NAV3: variants seen among roughly 807,000 people sequenced by gnomAD.
The protein encoded by NAV3 is pore membrane and/or filament interacting like protein 1.
NAV3 carries 87 observed loss-of-function variants against 244.7 expected under a neutral mutation model. The ratio of observed to expected loss-of-function variants is 0.36; its 90% CI spans 0.30 to 0.42. The LOEUF (loss-of-function observed/expected upper bound fraction) is 0.42. Ranked by LOEUF, NAV3 falls within the 20% of genes least tolerant of loss-of-function variation. The pLI is 1.00. For synonymous variants in NAV3, 1,126 were observed against 1,042.2 expected (o/e 1.08, Z -1.55); for missense variants, 2,663 against 2,893.3 (o/e 0.92, Z 1.83).
chr12:78,076,498 T>C (rs1201267252), intron 12 of NAV3, among the ~76,000 whole-genome samples: 1 of 152,210 alleles, frequency 6.6e-6, no homozygotes, highest in Non-Finnish European at 1.5e-5. Context: ...TATCACAAAA[T>C]ATACATGTGA....
chr12:77,761,678 G>C (rs558008205), intron 2 of NAV3, among the ~76,000 whole-genome samples: 1 of 152,254 alleles, frequency 6.6e-6, no homozygotes, highest in South Asian at 2.1e-4. Flanking sequence ...ATGAAAAAAA[G>C]CTCATCATCA....
intron 2 of NAV3, among the ~76,000 whole-genome samples, chr12:77,601,726 A>G (rs1458443834): frequency 6.6e-6 from 1 of 151,938 alleles, no homozygotes; most frequent in Admixed American, 6.6e-5. Flanking sequence ...AGAAGATTAT[A>G]CCTTAGGCTC....
At chr12:77,589,029 G>A (rs564776893) in intron 2 of NAV3, among the ~76,000 whole-genome samples, 18 of 152,204 alleles carry the variant, frequency 1.2e-4, no homozygotes, top group African/African-American at 4.3e-4. Context: ...TGTTATAGAA[G>A]CTTCAATCTC....
chr12:78,203,384 GT>G (rs1959939963), intron 38 of NAV3, among the ~76,000 whole-genome samples: 1 of 152,022 alleles, frequency 6.6e-6, no homozygotes, highest in Non-Finnish European at 1.5e-5. Context: ...CATGCTATAT[GT>G]TACATCTATA....
intron 6 of NAV3, among the ~76,000 whole-genome samples, chr12:77,996,529 A>C (rs1056995292): frequency 2.0e-5 from 3 of 152,204 alleles, no homozygotes; most frequent in African/African-American, 7.2e-5. Context: ...CGTTCTAAGA[A>C]ATCAACAGTT....
At chr12:78,208,156 G>A (rs1048762682) in intron 39 of NAV3, among the ~76,000 whole-genome samples, 1 of 152,110 alleles carries the variant, frequency 6.6e-6, no homozygotes, top group Non-Finnish European at 1.5e-5. Context: ...ATGAACTTAC[G>A]GTGGAAAGTG....
intron 2 of NAV3, among the ~76,000 whole-genome samples, chr12:77,750,324 G>A (rs1279668871): frequency 1.3e-5 from 2 of 152,132 alleles, no homozygotes; most frequent in East Asian, 3.9e-4. Context: ...CTGCACTCCA[G>A]CCTGGGTGAC....
At chr12:78,042,116 G>T (rs1229903813) in intron 9 of NAV3, among the ~76,000 whole-genome samples, 1 of 151,932 alleles carries the variant, frequency 6.6e-6, no homozygotes, top group Non-Finnish European at 1.5e-5. Context: ...ATCCTCTTCA[G>T]TCCAGATTGA....
At chr12:77,817,161 A>G (rs968471184) in intron 2 of NAV3, among the ~76,000 whole-genome samples, 1 of 152,144 alleles carries the variant, frequency 6.6e-6, no homozygotes, top group African/African-American at 2.4e-5. Flanking sequence ...TTATGGAAGG[A>G]TCCTTGCTAG....
intron 18 of NAV3, among the ~76,000 whole-genome samples, chr12:78,129,902 C>T (rs1956087836): frequency 6.6e-6 from 1 of 152,142 alleles, no homozygotes; most frequent in Non-Finnish European, 1.5e-5. Context: ...ACTCCTTTGA[C>T]ATTATATAAA....
intron 2 of NAV3, among the ~76,000 whole-genome samples, chr12:77,717,612 T>C (rs1169125854): frequency 6.6e-6 from 1 of 152,158 alleles, no homozygotes; most frequent in African/African-American, 2.4e-5. Flanking sequence ...TGAATAAATA[T>C]CCAGCAGTGG....
At chr12:77,686,918 A>G (rs1874779073) in intron 2 of NAV3, among the ~76,000 whole-genome samples, 1 of 152,082 alleles carries the variant, frequency 6.6e-6, no homozygotes, top group Non-Finnish European at 1.5e-5. Flanking sequence ...TTTTAAAAAA[A>G]CAAAACAAGC....
chr12:78,177,363 T>C, intron 27 of NAV3, 50 bp downstream of exon 27: 14 of 1,568,780 alleles, frequency 8.9e-6, no homozygotes, highest in Non-Finnish European at 1.1e-5. Context: ...AAAACAATTT[T>C]AGATGAAGGC....
At chr12:77,581,065 G>T (rs1869342313) in intron 2 of NAV3, among the ~76,000 whole-genome samples, 1 of 152,242 alleles carries the variant, frequency 6.6e-6, no homozygotes, top group Middle Eastern at 3.4e-3. Flanking sequence ...AAGGGAGGCT[G>T]GCCCAGGACT....
At chr12:77,741,167 G>GAAAAAAA (rs1868327621) in intron 2 of NAV3, among the ~76,000 whole-genome samples, 1 of 76,074 alleles carries the variant, frequency 1.3e-5, no homozygotes, top group Non-Finnish European at 2.8e-5. Context: ...AAAAAAAAAA[G>GAAAAAAA]AAAAGAAAGA....
chr12:77,860,462 T>C (rs895980412), intron 1 of NAV3, among the ~76,000 whole-genome samples: 1 of 151,624 alleles, frequency 6.6e-6, no homozygotes, highest in African/African-American at 2.4e-5. Flanking sequence ...TTTTATAATG[T>C]ATATTATTAA....
chr12:78,135,359 A>G (rs1956329099), intron 18 of NAV3, among the ~76,000 whole-genome samples: 1 of 152,200 alleles, frequency 6.6e-6, no homozygotes, highest in African/African-American at 2.4e-5. Flanking sequence ...TTTCCAATGC[A>G]GAAGCTATCA....
At chr12:77,845,602 A>G (rs1332706983) in intron 1 of NAV3, among the ~76,000 whole-genome samples, 1 of 151,504 alleles carries the variant, frequency 6.6e-6, no homozygotes, top group African/African-American at 2.4e-5. Flanking sequence ...GATATCTTTT[A>G]GAGGTTTTCT....
chr12:77,918,497 A>G (rs1193192800), intron 1 of NAV3, among the ~76,000 whole-genome samples: 4 of 152,062 alleles, frequency 2.6e-5, no homozygotes, highest in Non-Finnish European at 4.4e-5. Flanking sequence ...TACAAACCCA[A>G]AACTCCATGT....
Sources: gnomAD v4.1 joint callset for allele counts (sites outside exome capture counted in the v4.1 genomes callset) on GRCh38, gnomAD v4.1.1 for gene constraint, MANE v1.5 for transcripts, NCBI Gene and HGNC (gene_info 2026-07-23, HGNC 2026-07-21) for gene names.